KIF17: variants seen among roughly 807,000 people sequenced by gnomAD.
KIF17 encodes the protein kinesin-like protein KIF17.
Under a neutral mutation model 96.8 loss-of-function variants are expected in KIF17, and 80 were observed. That is an observed-to-expected ratio of 0.83 (90% confidence interval 0.69 to 1.00). The LOEUF is 1.00. KIF17 is among the 50% of genes least tolerant of loss of function. The pLI is 0.00. For missense variants in KIF17, 1,280 were observed against 1,372.9 expected, an observed-to-expected ratio of 0.93 and a Z score of 1.07; for synonymous variants, 567 against 587.5, an observed-to-expected ratio of 0.97 and a Z score of 0.51.
Position 20,698,493 on chromosome 1 carries a change from G to A in KIF17, c.1124-5C>T, listed in dbSNP as rs1231725132. On this transcript the variant is annotated splice_region_variant and splice_polypyrimidine_tract_variant and intron_variant, in intron 5 of 14. Coordinates refer to ENST00000400463, the MANE Select transcript of KIF17 (RefSeq NM_001122819.3). ...GCACCTGCCTGGACAGCAGGGCTGG[G>A]GGAGAAACAGAAATTAGCAGCCAGG... is the stretch of plus-strand genomic sequence containing the variant. The A allele has an allele frequency of 6.2e-7, 1 of 1,604,426 alleles. No individual in the cohort carries two copies. Among genetic ancestry groups the A allele is most frequent in the African/African-American group, 1.3e-5 (1 of 74,760 alleles).
chr1:20,709,603 A>G lies in KIF17; in HGVS notation c.670+36T>C. ...CTTGGCTAGTGGGAGTGGCTGGGTCATCTGTCCCCCTGCCCCCAACAATGG... is the reference window on the plus strand; with the variant it reads ...CTTGGCTAGTGGGAGTGGCTGGGTCGTCTGTCCCCCTGCCCCCAACAATGG... On this transcript the variant is annotated intron_variant, in intron 4 of 14. Transcript: ENST00000400463. This position sits in a 1 kb window ranked among gnomAD's most constrained non-coding sequence, Gnocchi z 4.7. 1 of 1,612,276 alleles carries G rather than the reference A, an allele frequency of 6.2e-7. No individual in the cohort carries two copies. The highest frequency in any genetic ancestry group is 8.5e-7 in the Non-Finnish European group (1 of 1,179,200).
intron 10 of KIF17, among the ~76,000 whole-genome samples, chr1:20,683,153 G>C (rs770597906): frequency 6.6e-6 from 1 of 152,212 alleles, no homozygotes; most frequent in Non-Finnish European, 1.5e-5. Flanking sequence ...CCCCTGACCC[G>C]TGGACTTCCC....
At chr1:20,711,425 C>T (rs1221586692) in intron 3 of KIF17, among the ~76,000 whole-genome samples, 2 of 152,172 alleles carry the variant, frequency 1.3e-5, no homozygotes, top group African/African-American at 2.4e-5. Context: ...AGCCCTCAGC[C>T]GCGCACCAGG....
At chr1:20,673,123 AG>A (rs1353799863) in intron 11 of KIF17, 1 of 152,166 alleles carries the variant, frequency 6.6e-6, no homozygotes, top group South Asian at 2.1e-4. Flanking sequence ...GCTGTTCAGG[AG>A]GCTGAGGTAG....
At chr1:20,714,511 C>T (rs2054542630) in intron 2 of KIF17, among the ~76,000 whole-genome samples, 1 of 150,530 alleles carries the variant, frequency 6.6e-6, no homozygotes, top group Non-Finnish European at 1.5e-5. Context: ...CAAAAACAAA[C>T]AAAGAAAAAG....
chr1:20,673,732 T>C (rs774014644), intron 11 of KIF17, among the ~76,000 whole-genome samples: 11 of 152,046 alleles, frequency 7.2e-5, no homozygotes, highest in Admixed American at 3.3e-4. Context: ...GGTTTCACCA[T>C]GTTGGCCAGG....
At chr1:20,697,909 A>C (rs922622303) in intron 6 of KIF17, among the ~76,000 whole-genome samples, 1 of 152,190 alleles carries the variant, frequency 6.6e-6, no homozygotes, top group African/African-American at 2.4e-5. Flanking sequence ...CAGGAGGCCA[A>C]CACCACACTC....
intron 5 of KIF17, among the ~76,000 whole-genome samples, chr1:20,703,910 G>A (rs969075472): frequency 3.3e-5 from 5 of 149,432 alleles, no homozygotes; most frequent in Admixed American, 1.3e-4. Context: ...CAGCCTGGGC[G>A]ACAGAGCGAG....
At chr1:20,694,248 C>A (rs2054095184) in intron 6 of KIF17, among the ~76,000 whole-genome samples, 1 of 152,100 alleles carries the variant, frequency 6.6e-6, no homozygotes. Flanking sequence ...CAGGTGCACA[C>A]CACCACACCC....
At chr1:20,669,438 G>A (rs1335118027) in intron 13 of KIF17, among the ~76,000 whole-genome samples, 1 of 151,744 alleles carries the variant, frequency 6.6e-6, no homozygotes, top group Non-Finnish European at 1.5e-5. Flanking sequence ...TTGGGAGGCT[G>A]AGGCCGGAGA....
intron 8 of KIF17, chr1:20,686,513 CA>C: frequency 6.4e-6 from 2 of 312,388 alleles, no homozygotes; most frequent in Non-Finnish European, 1.2e-5. Flanking sequence ...CACACACACA[CA>C]CACAGAGGAA....
chr1:20,704,228 T>C lies in KIF17; in HGVS notation c.1123+219A>G, dbSNP rs952520731. On this transcript the variant is annotated intron_variant, in intron 5 of 14. Coordinates refer to ENST00000400463, the MANE Select transcript of KIF17 (RefSeq NM_001122819.3). This position sits in a 1 kb window ranked among gnomAD's most constrained non-coding sequence, Gnocchi z 6.8. ...GGAGTGGGCAACAGCCTGCGTCAGA[T>C]GGGACAGGCCAGACGGACTGCCCTC... Among the ~76,000 whole-genome samples, 1 of 151,998 alleles carries C rather than the reference T, an allele frequency of 6.6e-6. No homozygotes were observed. The highest frequency in any genetic ancestry group is 1.5e-5 in the Non-Finnish European group (1 of 67,986).
Position 20,664,505 on chromosome 1 carries a change from G to A in KIF17, c.*79C>T, listed in dbSNP as rs1570423100. 4 of 1,611,326 alleles carry A rather than the reference G, an allele frequency of 2.5e-6. No individual in the cohort carries two copies. The highest frequency in any genetic ancestry group is 2.2e-5 in the East Asian group (1 of 44,854). On this transcript the variant is annotated 3_prime_UTR_variant, in exon 15 of 15. Coordinates refer to ENST00000400463, the MANE Select transcript of KIF17 (RefSeq NM_001122819.3). ...CGGAGCGCTGTGTGGCAGGTGGGAGGAGACCTGGTTGGGGCTGCCCTGGGA... is the reference window on the plus strand; with the variant it reads ...CGGAGCGCTGTGTGGCAGGTGGGAGAAGACCTGGTTGGGGCTGCCCTGGGA...
intron 7 of KIF17, among the ~76,000 whole-genome samples, chr1:20,689,530 A>G (rs1216447354): frequency 1.3e-5 from 2 of 152,098 alleles, no homozygotes; most frequent in Non-Finnish European, 2.9e-5. Flanking sequence ...GTGCACCTGT[A>G]ATCCCAGCTA....
chr1:20,715,696 G>C, intron 1 of KIF17, 57 bp from the exon 2 acceptor site: 4 of 1,605,476 alleles, frequency 2.5e-6, no homozygotes, highest in Non-Finnish European at 2.5e-6. Flanking sequence ...GCAGGGCTCG[G>C]GACAGGGCTC....
In KIF17 at chr1:20,709,798, C is replaced by A. The variant is rs149625740; in HGVS notation, c.511G>T (p.Val171Leu). The A allele has an allele frequency of 1.4e-5, 22 of 1,613,310 alleles. No individual in the cohort carries two copies. The Admixed American group carries it at 3.2e-4, about 23-fold the overall frequency. ...ACCGTGTGCATGGACAGCCCCTTCA[C>A]GTACACGCCCTTCTCTGGGTGCTCC... ...LKEHPEKGVY[V>L]KGLSMHTVHS... The change falls in exon 4 of 15, where the codon GTG becomes TTG. Residue 171 changes from valine to leucine, a missense_variant. By Grantham distance (32) the Val-to-Leu change is conservative. Coordinates refer to ENST00000400463, the MANE Select transcript of KIF17 (RefSeq NM_001122819.3). This position sits in a 1 kb window ranked among gnomAD's most constrained non-coding sequence, Gnocchi z 4.7.
chr1:20,681,682 C>T (rs1292068402), intron 11 of KIF17, among the ~76,000 whole-genome samples: 1 of 152,168 alleles, frequency 6.6e-6, no homozygotes, highest in Non-Finnish European at 1.5e-5. Context: ...CTCTCCCTGA[C>T]TCAGGCCTCA....
At chr1:20,690,138 A>C (rs1278147597) in intron 7 of KIF17, 50 bp downstream of exon 7, 1 of 1,608,358 alleles carries the variant, frequency 6.2e-7, no homozygotes, top group Non-Finnish European at 8.5e-7. Flanking sequence ...GTGAGGCGGA[A>C]AGGAGGCCAC....
At chr1:20,708,310 G>A (rs2154537459) in intron 4 of KIF17, among the ~76,000 whole-genome samples, 1 of 152,350 alleles carries the variant, frequency 6.6e-6, no homozygotes, top group East Asian at 1.9e-4. Flanking sequence ...AATGCGTCCA[G>A]GAGGTTCCAT....
Sources: gnomAD v4.1 joint callset for allele counts (sites outside exome capture counted in the v4.1 genomes callset) on GRCh38, gnomAD v4.1.1 for gene constraint, Gnocchi (gnomAD v3.1) non-coding constraint, MANE v1.5 for transcripts, NCBI Gene and HGNC (gene_info 2026-07-23, HGNC 2026-07-21) for gene names.